Variants in XXYLT1 observed in about 807,000 individuals in gnomAD.
XXYLT1 encodes UDP-xylose:alpha-xyloside alpha-1,3-xylosyltransferase.
XXYLT1 carries 20 observed loss-of-function variants against 28.9 expected under a neutral mutation model. The ratio of observed to expected loss-of-function variants is 0.69; its 90% confidence interval spans 0.49 to 1.00. The LOEUF is 1.00. XXYLT1 is among the 50% of genes least tolerant of loss of function. The pLI is 0.00. For synonymous variants in XXYLT1, 257 were observed against 253.8 expected (o/e 1.01, Z -0.12); for missense variants, 542 against 560.1 (o/e 0.97, Z 0.33).
chr3:195,258,706 G>A (rs1725568882), intron 1 of XXYLT1, among the ~76,000 whole-genome samples: 1 of 152,230 alleles, frequency 6.6e-6, no homozygotes, highest in African/African-American at 2.4e-5. Context: ...CTTCCTTCCA[G>A]CAGGAAAGAG....
chr3:195,097,437 T>C (rs1401014296), intron 3 of XXYLT1, among the ~76,000 whole-genome samples: 2 of 152,216 alleles, frequency 1.3e-5, no homozygotes, highest in African/African-American at 2.4e-5. Context: ...TATCAACACG[T>C]AGCTAGCACC....
At chr3:195,243,236 G>A (rs895971904) in intron 1 of XXYLT1, among the ~76,000 whole-genome samples, 1 of 152,088 alleles carries the variant, frequency 6.6e-6, no homozygotes, top group African/African-American at 2.4e-5. Context: ...GGGAAGGATA[G>A]CATTAGGAGA....
intron 3 of XXYLT1, chr3:195,147,077 A>G (rs1719892460): frequency 6.5e-6 from 1 of 153,724 alleles, no homozygotes; most frequent in South Asian, 2.1e-4. Context: ...CAAAAAGTCT[A>G]TGTATCTTGT....
chr3:195,164,901 C>T (rs573014227), intron 2 of XXYLT1, among the ~76,000 whole-genome samples: 33 of 151,454 alleles, frequency 2.2e-4, no homozygotes, highest in Admixed American at 7.9e-4. Flanking sequence ...TGATGGAGTC[C>T]GTTATGGGAA....
chr3:195,122,508 A>G (rs549935043), intron 3 of XXYLT1, among the ~76,000 whole-genome samples: 3 of 149,126 alleles, frequency 2.0e-5, no homozygotes, highest in Admixed American at 2.0e-4. Context: ...ACAGCAGCTC[A>G]GTGTCTAGCT....
At chr3:195,170,004 T>TACAG (rs56999393) in intron 2 of XXYLT1, among the ~76,000 whole-genome samples, 1 of 150,202 alleles carries the variant, frequency 6.7e-6, no homozygotes, top group Admixed American at 6.6e-5. Flanking sequence ...TAGCTGGGAT[T>TACAG]TCATGCCCGG....
At chr3:195,162,563 G>A (rs998764166) in intron 2 of XXYLT1, among the ~76,000 whole-genome samples, 1 of 152,230 alleles carries the variant, frequency 6.6e-6, no homozygotes, top group African/African-American at 2.4e-5. Flanking sequence ...GAAAAACTGT[G>A]TTGGCTATGG....
intron 3 of XXYLT1, among the ~76,000 whole-genome samples, chr3:195,111,890 A>G (rs1717737681): frequency 6.6e-6 from 1 of 152,214 alleles, no homozygotes; most frequent in Non-Finnish European, 1.5e-5. Context: ...ATGTAAATAC[A>G]AGATCATTTG....
chr3:195,179,055 G>A (rs1202484073), intron 2 of XXYLT1, among the ~76,000 whole-genome samples: 1 of 152,140 alleles, frequency 6.6e-6, no homozygotes, highest in Non-Finnish European at 1.5e-5. Context: ...AAGAACTCAT[G>A]ATGGGGCCGG....
At chr3:195,093,871 T>G (rs1716260819) in intron 3 of XXYLT1, 1 of 152,180 alleles carries the variant, frequency 6.6e-6, no homozygotes, top group Non-Finnish European at 1.5e-5. Flanking sequence ...GGTGCAGAAC[T>G]GCCCACTGGG....
At chr3:195,172,001 C>T (rs1428491113) in intron 2 of XXYLT1, among the ~76,000 whole-genome samples, 3 of 152,302 alleles carry the variant, frequency 2.0e-5, no homozygotes, top group Admixed American at 6.5e-5. Flanking sequence ...ACGCTGAACA[C>T]GTACCAAAAG....
chr3:195,253,867 C>T (rs1180040396), intron 1 of XXYLT1, among the ~76,000 whole-genome samples: 2 of 152,256 alleles, frequency 1.3e-5, no homozygotes, highest in Non-Finnish European at 2.9e-5. Context: ...GACCAGTAAG[C>T]AGGGCCAGCC....
chr3:195,236,597 C>T (rs780614075), intron 1 of XXYLT1, among the ~76,000 whole-genome samples: 7 of 151,904 alleles, frequency 4.6e-5, no homozygotes, highest in Non-Finnish European at 1.0e-4. Flanking sequence ...TATGTCTGAG[C>T]TGGTATCTAA....
intron 3 of XXYLT1, among the ~76,000 whole-genome samples, chr3:195,138,469 G>A (rs770170163): frequency 6.6e-6 from 1 of 152,174 alleles, no homozygotes; most frequent in Non-Finnish European, 1.5e-5. Flanking sequence ...CCTGAGGAGT[G>A]AGGGCCACAG....
At chr3:195,184,413 G>A (rs1560140350) in intron 2 of XXYLT1, among the ~76,000 whole-genome samples, 1 of 152,136 alleles carries the variant, frequency 6.6e-6, no homozygotes, top group Non-Finnish European at 1.5e-5. Context: ...ATAACAAAGG[G>A]CTAACTGAAC....
intron 2 of XXYLT1, among the ~76,000 whole-genome samples, chr3:195,197,714 C>G (rs1469174601): frequency 6.6e-6 from 1 of 152,236 alleles, no homozygotes; most frequent in East Asian, 1.9e-4. Flanking sequence ...TCTGCTCCAG[C>G]GAAGCTGCTT....
At chr3:195,083,258 C>A (rs1040659917) in intron 3 of XXYLT1, among the ~76,000 whole-genome samples, 1 of 152,094 alleles carries the variant, frequency 6.6e-6, no homozygotes, top group Admixed American at 6.5e-5. Context: ...GCCTTGATAA[C>A]CCCCTGCGTA....
chr3:195,223,951 G>A (rs1231545480), intron 2 of XXYLT1, among the ~76,000 whole-genome samples: 1 of 152,154 alleles, frequency 6.6e-6, no homozygotes, highest in African/African-American at 2.4e-5. Flanking sequence ...GAGGTCAGGA[G>A]TTTGAGACCA....
In XXYLT1 at chr3:195,227,281, C is replaced by T. The variant is rs1035148054; in HGVS notation, c.505-425G>A. 3.9e-5 allele frequency among the ~76,000 whole-genome samples: 6 copies of T among 152,290 alleles called. No homozygotes were observed. In the East Asian group the frequency reaches 5.8e-4, roughly 15 times the overall value. ...GCATGGCTAACACTGCTCCAGGCAT[C>T]GCCACCTCCTGGTGGCCACTGCATC... is the stretch of plus-strand genomic sequence containing the variant. On this transcript the variant is annotated intron_variant, in intron 1 of 3. Transcript: ENST00000310380.
Sources: gnomAD v4.1 joint callset for allele counts (sites outside exome capture counted in the v4.1 genomes callset) on GRCh38, gnomAD v4.1.1 for gene constraint, MANE v1.5 for transcripts, NCBI Gene and HGNC (gene_info 2026-07-23, HGNC 2026-07-21) for gene names.